The following ERMP1 variants were observed in gnomAD, a reference collection of about 807,000 sequenced individuals.
The protein encoded by ERMP1 is endoplasmic reticulum metallopeptidase 1.
Under a neutral mutation model 92.0 loss-of-function variants are expected in ERMP1, and 86 were observed. The observed-to-expected ratio is 0.93, with a 90% CI of 0.79 to 1.12. The LOEUF (loss-of-function observed/expected upper bound fraction) is 1.12, where lower values mean the gene tolerates loss of function less well. ERMP1 is among the 50% of genes most tolerant of loss of function. The pLI is 0.00. For synonymous variants in ERMP1, 530 were observed against 412.8 expected, an observed-to-expected ratio of 1.28 and a Z score of -3.44; for missense variants, 1,342 against 1,116.3, an observed-to-expected ratio of 1.20 and a Z score of -2.88.
rs1340913083 is a variant in ERMP1, at chr9:5,801,397, A to G, written c.1915-69T>C. 6 of 1,504,924 alleles carry G rather than the reference A, an allele frequency of 4.0e-6. No individual in the cohort carries two copies. The South Asian group carries it at 6.4e-5, about 16-fold the overall frequency. 93.2% of individuals were successfully genotyped at this position (1,504,924 alleles called of 1,614,324 possible). A position where few individuals can be genotyped will look rare whatever the true frequency, so the allele number is the denominator to read the frequency against. On this transcript the variant is annotated intron_variant, in intron 10 of 14. Coordinates refer to ENST00000339450, the MANE Select transcript of ERMP1 (RefSeq NM_024896.3). ...TAGTGGTGGAAAGGTGTTTTTAACTAACTTTATTTTTAACAGTATTACCTA... is the reference window on the plus strand; with the variant it reads ...TAGTGGTGGAAAGGTGTTTTTAACTGACTTTATTTTTAACAGTATTACCTA...
chr9:5,846,348 T>C (rs969616801), intron 6 of ERMP1, among the ~76,000 whole-genome samples: 1 of 152,130 alleles, frequency 6.6e-6, no homozygotes, highest in Non-Finnish European at 1.5e-5. Flanking sequence ...AAATCCTAGC[T>C]CTGCTACTAA....
chr9:5,787,630 T>C, intron 13 of ERMP1, 37 bp from the exon 14 acceptor site: 3 of 1,581,252 alleles, frequency 1.9e-6, no homozygotes, highest in African/African-American at 1.4e-5. Context: ...GTTAATCTTT[T>C]TAAAAGGATC....
chr9:5,824,037 AC>A (rs1829642827), intron 3 of ERMP1, 36 bp from the exon 4 acceptor site: 1 of 1,527,466 alleles, frequency 6.5e-7, no homozygotes, highest in Admixed American at 1.7e-5. Context: ...TATTTGTTAA[AC>A]AATCTTAAAT....
intron 6 of ERMP1, among the ~76,000 whole-genome samples, chr9:5,848,918 T>A (rs1176595254): frequency 6.6e-6 from 1 of 152,232 alleles, no homozygotes; most frequent in Non-Finnish European, 1.5e-5. Flanking sequence ...TGTGGCTTAC[T>A]ATGGTTAGAT....
chr9:5,813,077 AT>A (rs35748220), intron 4 of ERMP1, 42 bp from the exon 5 acceptor site: 2 of 1,592,726 alleles, frequency 1.3e-6, no homozygotes, highest in Non-Finnish European at 8.6e-7. Context: ...TATTCCGGCA[AT>A]TTTTTTTAAC....
At position 5,815,894 on chromosome 9, in the gene ERMP1, GTACAT is replaced by G. The variant is rs201203614; in HGVS notation, c.875-2864_875-2860del. On this transcript the variant is annotated intron_variant, in intron 4 of 14. Transcript: ENST00000339450. ...AAGAACTATGATGATGGGGAAATAC[GTACAT>G]TACGAGATCTTATCATATTAAAATA... 8.4e-3 allele frequency among the ~76,000 whole-genome samples: 1,269 copies of G among 151,966 alleles called. 13 individuals are homozygous for G. The highest frequency in any genetic ancestry group is 0.029 in the African/African-American group (1,222 of 41,446).
chr9:5,865,240 C>T (rs995214931), intron 5 of ERMP1, among the ~76,000 whole-genome samples: 1 of 152,214 alleles, frequency 6.6e-6, no homozygotes, highest in Non-Finnish European at 1.5e-5. Context: ...GGCGCAGTGG[C>T]TTACGCCTGT....
intron 13 of ERMP1, among the ~76,000 whole-genome samples, chr9:5,794,659 C>G (rs1166345671): frequency 1.3e-5 from 2 of 151,908 alleles, no homozygotes; most frequent in African/African-American, 4.8e-5. Context: ...TAAAATGAAC[C>G]AATTCTTTAA....
chr9:5,832,789 T>G lies in ERMP1; in HGVS notation c.239A>C (p.Tyr80Ser), dbSNP rs753557373. Residue 80 changes from tyrosine to serine, a missense_variant, in exon 1 of 15, where the codon TAC (tyrosine) becomes TCC (serine). By Grantham distance (144) the Tyr-to-Ser change is moderately radical. Transcript: ENST00000339450. The part of the protein sequence containing the change: ...EVRAALGLAL[Y>S]LIALRTLVQL... The stretch of plus-strand genomic sequence containing the variant: ...CACCAGCGTCCGCAGCGCGATCAGG[T>G]AGAGCGCGAGCCCCAGCGCGGCGCG... 1 of 1,502,152 alleles carries G rather than the reference T, an allele frequency of 6.7e-7. No homozygotes were observed. Among genetic ancestry groups the G allele is most frequent in the East Asian group, 2.8e-5 (1 of 36,012 alleles). The allele number at this position is 1,502,152 out of a possible 1,614,324, so 93.1% of individuals were successfully genotyped here.
intron 13 of ERMP1, among the ~76,000 whole-genome samples, chr9:5,791,945 G>A (rs1586765110): frequency 6.6e-6 from 1 of 152,194 alleles, no homozygotes; most frequent in Non-Finnish European, 1.5e-5. Flanking sequence ...CACAAAGGGA[G>A]GAAGAAGTGG....
At chr9:5,823,434 A>G (rs1197668805) in intron 4 of ERMP1, among the ~76,000 whole-genome samples, 1 of 152,206 alleles carries the variant, frequency 6.6e-6, no homozygotes, top group African/African-American at 2.4e-5. Context: ...AACAATATTT[A>G]TATCATAACC....
Position 5,833,008 on chromosome 9 carries a change from G to A in ERMP1, c.20C>T (p.Ser7Leu), listed in dbSNP as rs1185893113. 1.9e-6 allele frequency: 3 copies of A among 1,551,560 alleles called. No homozygotes were observed. The highest frequency in any genetic ancestry group is 1.8e-5 in the Admixed American group (1 of 54,612). The change falls in exon 1 of 15, where the codon TCG (serine) becomes TTG (leucine). Residue 7 changes from serine (S) to leucine (L), a missense_variant. Physicochemically the swap from Ser to Leu is moderately radical, Grantham distance 145 (BLOSUM62 -2). Transcript: ENST00000339450. Reference protein sequence around the residue: MEWGSESAAVRRHRVGV... With the variant: MEWGSELAAVRRHRVGV... ...GACGCGGTGCCGCCTCACAGCAGCC[G>A]ACTCAGAACCCCACTCCATGGCCAC... is the stretch of plus-strand genomic sequence containing the variant.
chr9:5,807,697 G>C (rs1188420916), intron 8 of ERMP1, among the ~76,000 whole-genome samples: 1 of 151,942 alleles, frequency 6.6e-6, no homozygotes, highest in Admixed American at 6.6e-5. Context: ...AGTGAGCCAA[G>C]ATCACACCAC....
At chr9:5,827,718 G>A (rs954695215) in intron 2 of ERMP1, among the ~76,000 whole-genome samples, 30 of 152,102 alleles carry the variant, frequency 2.0e-4, no homozygotes, top group African/African-American at 7.0e-4. Context: ...TAGCGAGGCT[G>A]AGGCAGGAGA....
chr9:5,793,549 G>C (rs2131204746), intron 13 of ERMP1, among the ~76,000 whole-genome samples: 1 of 152,204 alleles, frequency 6.6e-6, no homozygotes, highest in South Asian at 2.1e-4. Flanking sequence ...GTTGTCTACA[G>C]AAAACCCATT....
chr9:5,835,588 A>T (rs1830086714), upstream of ERMP1, among the ~76,000 whole-genome samples: 1 of 152,218 alleles, frequency 6.6e-6, no homozygotes, highest in Admixed American at 6.5e-5. Context: ...GGATGTTCAG[A>T]GGCAACGTCG....
In ERMP1 at chr9:5,801,308, G is replaced by C. The variant is rs761663421; in HGVS notation, c.1935C>G (p.Ala645=). 6 of 1,611,816 alleles carry C rather than the reference G, an allele frequency of 3.7e-6. No individual in the cohort carries two copies. The Admixed American group carries it at 8.4e-5, about 23-fold the overall frequency. The change falls in exon 11 of 15, where the codon GCC becomes GCG. Residue 645 remains alanine, a synonymous_variant. Coordinates refer to ENST00000339450, the MANE Select transcript of ERMP1 (RefSeq NM_024896.3). ...TTAGCATGGTTTTTTTTGTGCTCTT[G>C]GCAAGGTAGATGAAGTTAATCTGAA... ...SSYFINFIYL[A]KSTKKTMLTL...
chr9:5,856,823 A>C (rs35278454), intron 6 of ERMP1, among the ~76,000 whole-genome samples: 6,762 of 152,002 alleles, frequency 0.044, 201 homozygotes, highest in Middle Eastern at 0.13. Flanking sequence ...CTAATTTTGA[A>C]CTCACGCCCA....
At chr9:5,793,718 G>A (rs903871380) in intron 13 of ERMP1, among the ~76,000 whole-genome samples, 4 of 152,218 alleles carry the variant, frequency 2.6e-5, no homozygotes, top group South Asian at 2.1e-4. Flanking sequence ...AATGCATAAT[G>A]ATAAAGGGTC....
Sources: gnomAD v4.1 joint callset for allele counts (sites outside exome capture counted in the v4.1 genomes callset) on GRCh38, gnomAD v4.1.1 for gene constraint, MANE v1.5 for transcripts, NCBI Gene and HGNC (gene_info 2026-07-23, HGNC 2026-07-21) for gene names.